Variants in SLC22A25 observed in about 807,000 individuals in gnomAD.
SLC22A25 encodes solute carrier family 22 member 25.
Under a neutral mutation model 45.9 loss-of-function variants are expected in SLC22A25, and 44 were observed. The observed-to-expected ratio is 0.96, with a 90% CI of 0.75 to 1.23. The LOEUF is 1.23. Ranked by LOEUF, SLC22A25 falls within the 50% of genes most tolerant of loss-of-function variation. SLC22A25 has a pLI of 0.00. For synonymous variants in SLC22A25, 283 were observed against 238.6 expected (o/e 1.19, Z -1.72); for missense variants, 800 against 666.4 (o/e 1.20, Z -2.21).
chr11:63,224,069 C>T (rs1011420403), intron 5 of SLC22A25, among the ~76,000 whole-genome samples: 1 of 151,974 alleles, frequency 6.6e-6, no homozygotes, highest in Non-Finnish European at 1.5e-5. Context: ...AAATCTCCAG[C>T]TATTATTATA....
intron 9 of SLC22A25, chr11:63,167,724 G>A (rs1267779747): frequency 6.5e-6 from 1 of 153,652 alleles, no homozygotes; most frequent in African/African-American, 2.4e-5. Context: ...GGGAAGGGGT[G>A]GCTGTGGGTG....
chr11:63,190,380 T>C (rs991873412), intron 7 of SLC22A25, among the ~76,000 whole-genome samples: 5 of 152,224 alleles, frequency 3.3e-5, no homozygotes, highest in African/African-American at 1.2e-4. Flanking sequence ...TCTCGTGTCG[T>C]GGTTTTCAGC....
intron 1 of SLC22A25, among the ~76,000 whole-genome samples, chr11:63,242,667 A>G (rs2090269032): frequency 6.6e-6 from 1 of 152,196 alleles, no homozygotes; most frequent in East Asian, 1.9e-4. Context: ...CAACACCCTC[A>G]CAGACACACC....
chr11:63,203,239 G>A (rs533463713), intron 7 of SLC22A25, among the ~76,000 whole-genome samples: 1 of 152,004 alleles, frequency 6.6e-6, no homozygotes. Context: ...CCAAAACCAA[G>A]AATGCCTCTT....
intron 5 of SLC22A25, 114 bp downstream of exon 5, chr11:63,228,347 G>A (rs1056402290): frequency 2.6e-6 from 2 of 768,004 alleles, no homozygotes; most frequent in Admixed American, 2.9e-5. Context: ...ACAAATCCCT[G>A]GGGACCAAGG....
At chr11:63,234,996 C>T (rs962982941) in intron 3 of SLC22A25, among the ~76,000 whole-genome samples, 1 of 152,208 alleles carries the variant, frequency 6.6e-6, no homozygotes, top group Admixed American at 6.5e-5. Context: ...AGAGTTTCTG[C>T]TGAGAGATCA....
rs1489380666 is a variant in SLC22A25 at position 63,230,076 on chromosome 11, G to T, written c.-424C>A. 1.3e-5 allele frequency among the ~76,000 whole-genome samples: 2 copies of T among 152,098 alleles called. No individual in the cohort carries two copies. The highest frequency in any genetic ancestry group is 2.9e-5 in the Non-Finnish European group (2 of 68,014). On this transcript the variant is annotated 5_prime_UTR_variant, in exon 4 of 12. The change creates a premature stop within an existing upstream ORF in the 5' untranslated region. Coordinates refer to ENST00000306494, the MANE Select transcript of SLC22A25 (RefSeq NM_199352.6). ...AACGTGTAATCTGTGGGACTCAAAGGCAAAGTGCTTTTTCTTTTCTCTGTG... is the reference window on the plus strand; with the variant it reads ...AACGTGTAATCTGTGGGACTCAAAGTCAAAGTGCTTTTTCTTTTCTCTGTG...
At chr11:63,233,583 C>A (rs1011141911) in intron 3 of SLC22A25, among the ~76,000 whole-genome samples, 1 of 152,082 alleles carries the variant, frequency 6.6e-6, no homozygotes, top group African/African-American at 2.4e-5. Context: ...TTTCAAAAAA[C>A]CAGCTCCTGG....
At chr11:63,203,515 A>G (rs577520726) in intron 7 of SLC22A25, among the ~76,000 whole-genome samples, 6 of 152,068 alleles carry the variant, frequency 3.9e-5, no homozygotes, top group Non-Finnish European at 7.4e-5. Flanking sequence ...AAGCATACAC[A>G]AGTATCAATA....
intron 7 of SLC22A25, among the ~76,000 whole-genome samples, chr11:63,192,067 T>A (rs1380695584): frequency 2.0e-5 from 3 of 151,888 alleles, no homozygotes; most frequent in Admixed American, 2.0e-4. Flanking sequence ...ATAGAAAAAA[T>A]GTTAAATGCA....
chr11:63,215,671 G>A (rs72924430), intron 7 of SLC22A25, among the ~76,000 whole-genome samples: 6,289 of 152,048 alleles, frequency 0.041, 217 homozygotes, highest in Non-Finnish European at 0.058. Context: ...TTGTTACACA[G>A]GTAAACATGT....
At chr11:63,237,260 G>A (rs2090180764) in intron 3 of SLC22A25, among the ~76,000 whole-genome samples, 1 of 151,872 alleles carries the variant, frequency 6.6e-6, no homozygotes, top group South Asian at 2.1e-4. Flanking sequence ...TCACTGCCTG[G>A]GTATAATATA....
intron 9 of SLC22A25, among the ~76,000 whole-genome samples, chr11:63,180,361 T>A (rs1321132398): frequency 2.0e-5 from 3 of 152,262 alleles, no homozygotes; most frequent in Admixed American, 2.0e-4. Flanking sequence ...ATTAGCTCAA[T>A]TAAAATGGAA....
intron 8 of SLC22A25, among the ~76,000 whole-genome samples, 153 bp downstream of exon 8, chr11:63,183,541 C>A (rs1383338585): frequency 6.6e-6 from 1 of 152,064 alleles, no homozygotes. Context: ...CAATGTTAAT[C>A]CAATGTTGAC....
At chr11:63,218,878 C>T (rs2089785877) in intron 5 of SLC22A25, among the ~76,000 whole-genome samples, 1 of 152,106 alleles carries the variant, frequency 6.6e-6, no homozygotes, top group Non-Finnish European at 1.5e-5. Context: ...ATTGAAGGTC[C>T]TAGCTACTGC....
At chr11:63,194,370 C>T (rs2088926033) in intron 7 of SLC22A25, among the ~76,000 whole-genome samples, 1 of 151,960 alleles carries the variant, frequency 6.6e-6, no homozygotes, top group African/African-American at 2.4e-5. Context: ...GTTATATTCA[C>T]CAAAGTTGAA....
intron 3 of SLC22A25, among the ~76,000 whole-genome samples, chr11:63,234,284 A>G (rs1391978327): frequency 6.6e-6 from 1 of 152,154 alleles, no homozygotes; most frequent in East Asian, 1.9e-4. Flanking sequence ...GTCTCTTTGT[A>G]TGTCTCTAAG....
At chr11:63,206,792 T>C (rs1365693022) in intron 7 of SLC22A25, among the ~76,000 whole-genome samples, 1 of 152,182 alleles carries the variant, frequency 6.6e-6, no homozygotes, top group East Asian at 1.9e-4. Context: ...TGAAATTTCA[T>C]ATGGAACTAC....
intron 7 of SLC22A25, among the ~76,000 whole-genome samples, chr11:63,188,474 T>G (rs934290895): frequency 4.6e-5 from 7 of 152,230 alleles, no homozygotes; most frequent in African/African-American, 1.4e-4. Flanking sequence ...CTATCTATTT[T>G]GTTGCTCTTT....
Sources: gnomAD v4.1 joint callset for allele counts (sites outside exome capture counted in the v4.1 genomes callset) on GRCh38, gnomAD v4.1.1 for gene constraint, MANE v1.5 for transcripts, NCBI Gene and HGNC (gene_info 2026-07-23, HGNC 2026-07-21) for gene names.